The following RELN variants were observed in gnomAD, a reference collection of about 807,000 sequenced individuals.
The protein encoded by RELN is reelin.
In RELN, 108 loss-of-function variants were observed where a neutral mutation model predicts 427.6. That is an observed-to-expected ratio of 0.25 (90% CI 0.22 to 0.30). The LOEUF is 0.30. Among genes scored for constraint, RELN ranks in the 10% least tolerant of loss-of-function variants. RELN has a pLI of 1.00. For missense variants in RELN, 3,715 were observed against 4,302.8 expected (o/e 0.86, Z 3.82); for synonymous variants, 1,524 against 1,513.4 (o/e 1.01, Z -0.16).
At chr7:103,854,558 G>A (rs1793899077) in intron 2 of RELN, among the ~76,000 whole-genome samples, 1 of 152,126 alleles carries the variant, frequency 6.6e-6, no homozygotes, top group African/African-American at 2.4e-5. Flanking sequence ...GATGAATTAA[G>A]GGATTAAGAG....
At chr7:103,883,801 T>TAAC (rs1794662923) in intron 2 of RELN, among the ~76,000 whole-genome samples, 1 of 152,092 alleles carries the variant, frequency 6.6e-6, no homozygotes, top group Non-Finnish European at 1.5e-5. Context: ...ACAAATGGAT[T>TAAC]AACACTCCAT....
intron 4 of RELN, among the ~76,000 whole-genome samples, chr7:103,764,051 G>A (rs1289111353): frequency 6.6e-6 from 1 of 152,194 alleles, no homozygotes; most frequent in Non-Finnish European, 1.5e-5. Flanking sequence ...GGGTGATGAT[G>A]AAGATGCTAA....
intron 3 of RELN, among the ~76,000 whole-genome samples, chr7:103,780,431 T>A (rs886837318): frequency 2.6e-5 from 4 of 152,236 alleles, no homozygotes; most frequent in Non-Finnish European, 4.4e-5. Flanking sequence ...CTGGGGTACA[T>A]GTGCAGGTTT....
intron 13 of RELN, 97 bp downstream of exon 13, chr7:103,653,996 G>A: frequency 1.3e-6 from 1 of 776,806 alleles, no homozygotes; most frequent in Non-Finnish European, 2.4e-6. Flanking sequence ...GAACAGGGAT[G>A]TATCTTCTGC....
chr7:103,599,390 G>C (rs886404969), intron 24 of RELN, among the ~76,000 whole-genome samples: 1 of 152,062 alleles, frequency 6.6e-6, no homozygotes, highest in Non-Finnish European at 1.5e-5. Flanking sequence ...ACCCAGTTCT[G>C]ATTTCTTGTC....
At chr7:103,629,123 T>C (rs1038839379) in intron 20 of RELN, among the ~76,000 whole-genome samples, 2 of 152,168 alleles carry the variant, frequency 1.3e-5, no homozygotes, top group Non-Finnish European at 2.9e-5. Flanking sequence ...TTCCAATCAG[T>C]AGAATGTGTT....
Position 103,558,045 on chromosome 7 carries a change from C to T in RELN, c.5534G>A (p.Gly1845Glu), listed in dbSNP as rs1481109085. ...SGTSLIFKGE[G>E]LRMLISRDLD... Reference sequence around the variant, plus strand: ...ATCTCTTGAAATAAGCATCCTTAGTCCTTCCTGAAAATAAAAACATATACG... The same window carrying T: ...ATCTCTTGAAATAAGCATCCTTAGTTCTTCCTGAAAATAAAAACATATACG... The change falls in exon 37 of 65, where the codon GGA becomes GAA. Residue 1845 changes from glycine (G) to glutamate (E), a missense_variant. Coordinates refer to ENST00000428762, the MANE Select transcript of RELN (RefSeq NM_005045.4). The T allele has an allele frequency of 6.7e-7, 1 of 1,497,410 alleles. No individual in the cohort carries two copies. Among genetic ancestry groups the T allele is most frequent in the East Asian group, 2.3e-5 (1 of 44,144 alleles). 92.8% of individuals were successfully genotyped at this position (1,497,410 alleles called of 1,614,324 possible).
chr7:103,936,177 C>G (rs1402066215), intron 1 of RELN, among the ~76,000 whole-genome samples: 1 of 151,340 alleles, frequency 6.6e-6, no homozygotes, highest in African/African-American at 2.4e-5. Context: ...ACTGAGACCT[C>G]CACCTCCCAG....
At chr7:103,491,840 TC>T (rs1828665974) in intron 58 of RELN, 112 bp downstream of exon 58, 1 of 616,124 alleles carries the variant, frequency 1.6e-6, no homozygotes, top group African/African-American at 2.5e-5. Context: ...TCTCTCTCTC[TC>T]TCTCTCTCTC....
At chr7:103,688,567 A>AT (rs897661425) in intron 10 of RELN, among the ~76,000 whole-genome samples, 7 of 151,836 alleles carry the variant, frequency 4.6e-5, no homozygotes, top group Non-Finnish European at 8.8e-5. Flanking sequence ...TTTGTCTTAG[A>AT]TTTTTTTCAT....
intron 15 of RELN, among the ~76,000 whole-genome samples, chr7:103,651,427 C>A (rs1207506400): frequency 6.6e-6 from 1 of 151,982 alleles, no homozygotes; most frequent in Non-Finnish European, 1.5e-5. Flanking sequence ...TCATGCAGTC[C>A]AAAATATAAG....
Position 103,490,843 on chromosome 7 carries a change from A to G in RELN, c.9444-14T>C, listed in dbSNP as rs765592490. 5.6e-6 allele frequency: 9 copies of G among 1,614,098 alleles called. No homozygotes were observed. The highest frequency in any genetic ancestry group is 5.1e-6 in the Non-Finnish European group (6 of 1,179,964). Reference sequence around the variant, plus strand: ...CAGGAATCCGATCTGCAGAAACCAAAAGGCTTTGTTAGACAAATTGTAAGA... The same window carrying G: ...CAGGAATCCGATCTGCAGAAACCAAGAGGCTTTGTTAGACAAATTGTAAGA... On this transcript the variant is annotated splice_polypyrimidine_tract_variant and intron_variant, in intron 58 of 64. Transcript: ENST00000428762.
chr7:103,727,881 A>C (rs1488444354), intron 7 of RELN, among the ~76,000 whole-genome samples: 1 of 152,064 alleles, frequency 6.6e-6, no homozygotes, highest in African/African-American at 2.4e-5. Flanking sequence ...GTGATGTTCC[A>C]TGTTTAATGA....
intron 64 of RELN, 92 bp downstream of exon 64, chr7:103,478,295 TGC>T: frequency 1.6e-6 from 1 of 643,712 alleles, no homozygotes; most frequent in Non-Finnish European, 2.8e-6. Context: ...TTTTTTTAGT[TGC>T]AAAGGTGCTT....
intron 52 of RELN, among the ~76,000 whole-genome samples, chr7:103,502,579 A>G (rs1829069344): frequency 6.6e-6 from 1 of 152,212 alleles, no homozygotes; most frequent in South Asian, 2.1e-4. Flanking sequence ...GGATCCCATA[A>G]GTCACAGTGG....
At chr7:103,576,841 G>T (rs746700573) in intron 28 of RELN, among the ~76,000 whole-genome samples, 11 of 152,324 alleles carry the variant, frequency 7.2e-5, no homozygotes, top group Admixed American at 3.3e-4. Context: ...CTACTGCCCA[G>T]TTTTGAGGTT....
chr7:103,618,928 T>C (rs1002750508), intron 20 of RELN, among the ~76,000 whole-genome samples: 2 of 151,996 alleles, frequency 1.3e-5, no homozygotes, highest in Non-Finnish European at 2.9e-5. Flanking sequence ...CTGGCTAACA[T>C]GGTGAAACCC....
At chr7:103,842,244 G>T (rs1235899632) in intron 2 of RELN, among the ~76,000 whole-genome samples, 2 of 150,588 alleles carry the variant, frequency 1.3e-5, no homozygotes, top group African/African-American at 4.9e-5. Flanking sequence ...ATATCTAAAG[G>T]CTTCCATCAG....
At chr7:103,817,937 CAAAAAAAAAAAAAA>C (rs71154371) in intron 3 of RELN, among the ~76,000 whole-genome samples, 1 of 36,016 alleles carries the variant, frequency 2.8e-5, no homozygotes, top group Non-Finnish European at 4.4e-5. Context: ...GACTCCATCT[CAAAAAAAAAAAAAA>C]AAAAAAAAAA....
Sources: allele counts gnomAD v4.1 joint callset (sites outside exome capture counted in the v4.1 genomes callset), GRCh38; gene constraint gnomAD v4.1.1; transcripts MANE v1.5; gene names NCBI Gene and HGNC (gene_info 2026-07-23, HGNC 2026-07-21).